The following NRG3 variants were observed in gnomAD, a reference collection of about 807,000 sequenced individuals.
NRG3 encodes the protein neuregulin 3, also known as pro-neuregulin-3, membrane-bound isoform.
Under a neutral mutation model 66.9 loss-of-function variants are expected in NRG3, and 31 were observed. The observed-to-expected ratio is 0.46, with a 90% CI of 0.35 to 0.63. NRG3 has a LOEUF of 0.63. NRG3 is among the 20% of genes least tolerant of loss of function. The pLI is 0.00. For synonymous variants in NRG3, 393 were observed against 359.4 expected (o/e 1.09, Z -1.06); for missense variants, 910 against 878.9 (o/e 1.04, Z -0.45).
chr10:82,137,723 C>T (rs74144163), intron 1 of NRG3, among the ~76,000 whole-genome samples: 3,271 of 152,288 alleles, frequency 0.021, 114 homozygotes, highest in African/African-American at 0.074. Context: ...AAGATTGGAG[C>T]AGCAAGAATT....
At chr10:82,856,439 A>C (rs1452473251) in intron 3 of NRG3, among the ~76,000 whole-genome samples, 1 of 152,064 alleles carries the variant, frequency 6.6e-6, no homozygotes, top group Non-Finnish European at 1.5e-5. Context: ...GCCTAATTTT[A>C]AAAATTAGAT....
chr10:82,115,177 C>T (rs762107070), intron 1 of NRG3, among the ~76,000 whole-genome samples: 57 of 152,086 alleles, frequency 3.7e-4, no homozygotes, highest in Non-Finnish European at 1.2e-4. Flanking sequence ...CTAGTCCTTG[C>T]TGACCTTCTG....
chr10:82,865,463 A>G (rs1840620578), intron 4 of NRG3, 26 bp downstream of exon 4: 16 of 1,608,582 alleles, frequency 9.9e-6, no homozygotes, highest in Non-Finnish European at 1.4e-5. Flanking sequence ...TTGCTCATTT[A>G]ATATCCTGGA....
Position 82,725,840 on chromosome 10 carries a change from G to C in NRG3, c.954-12737G>C, listed in dbSNP as rs117334663. On this transcript the variant is annotated intron_variant, in intron 2 of 8. Transcript: ENST00000372141. ...AGAATTCACGTTCTAGTCTTTGCTAGTCTGTAGATATTACGTTCCCCTACT... is the reference window on the plus strand; with the variant it reads ...AGAATTCACGTTCTAGTCTTTGCTACTCTGTAGATATTACGTTCCCCTACT... Among the ~76,000 whole-genome samples the C allele has an allele frequency of 1.1e-3, 167 of 152,244 alleles. 1 individual carries two copies. In the East Asian group the frequency reaches 0.03, roughly 27 times the overall value.
At chr10:82,684,017 T>C (rs74988874) in intron 2 of NRG3, among the ~76,000 whole-genome samples, 3,913 of 80,830 alleles carry the variant, frequency 0.048, 196 homozygotes, top group African/African-American at 0.11. Context: ...GTGCTGTGTG[T>C]ATATATTCAG....
chr10:82,895,339 A>G (rs1843548194), intron 4 of NRG3, among the ~76,000 whole-genome samples: 1 of 152,164 alleles, frequency 6.6e-6, no homozygotes, highest in Non-Finnish European at 1.5e-5. Flanking sequence ...AATGGGTTGA[A>G]GAGTTGAGCT....
chr10:82,119,126 T>C (rs2067916757), intron 1 of NRG3, among the ~76,000 whole-genome samples: 1 of 152,226 alleles, frequency 6.6e-6, no homozygotes, highest in Non-Finnish European at 1.5e-5. Flanking sequence ...AATATATCAA[T>C]ACATCAAACA....
intron 1 of NRG3, among the ~76,000 whole-genome samples, chr10:81,942,971 T>C (rs1848527698): frequency 6.6e-6 from 1 of 152,198 alleles, no homozygotes. Flanking sequence ...AATAAGAACA[T>C]TTTCTACCGG....
At chr10:82,866,787 G>A (rs1840785611) in intron 4 of NRG3, among the ~76,000 whole-genome samples, 1 of 152,184 alleles carries the variant, frequency 6.6e-6, no homozygotes, top group Admixed American at 6.5e-5. Context: ...GGTTGATTTT[G>A]ATTTTGAAGA....
At chr10:82,117,623 C>T (rs890971415) in intron 1 of NRG3, among the ~76,000 whole-genome samples, 3 of 152,032 alleles carry the variant, frequency 2.0e-5, no homozygotes, top group African/African-American at 7.2e-5. Flanking sequence ...GCTTCCTGCC[C>T]ATCAGAGACC....
At chr10:82,523,622 C>T (rs1175990555) in intron 2 of NRG3, among the ~76,000 whole-genome samples, 1 of 151,902 alleles carries the variant, frequency 6.6e-6, no homozygotes, top group South Asian at 2.1e-4. Context: ...ATACTATGTA[C>T]AAGTTACCTC....
intron 2 of NRG3, among the ~76,000 whole-genome samples, chr10:82,608,651 T>A (rs2048115847): frequency 6.6e-6 from 1 of 152,112 alleles, no homozygotes; most frequent in South Asian, 2.1e-4. Context: ...ACTTCTACAA[T>A]TTGTTCTCAA....
In NRG3 at chr10:82,318,661, G is replaced by C. The variant is rs1589704242; in HGVS notation, c.824-40078G>C. Among the ~76,000 whole-genome samples the C allele has an allele frequency of 2.6e-5, 4 of 152,256 alleles. No individual in the cohort carries two copies. In the South Asian group the frequency reaches 8.3e-4, roughly 32 times the overall value. ...TGCTCTCTGGACACAGAGTCTTTCAGACAGATCCACTGCTCTTTGAAGACT... is the reference window on the plus strand; with the variant it reads ...TGCTCTCTGGACACAGAGTCTTTCACACAGATCCACTGCTCTTTGAAGACT... On this transcript the variant is annotated intron_variant, in intron 1 of 8. Coordinates refer to ENST00000372141, the MANE Select transcript of NRG3 (RefSeq NM_001010848.4).
chr10:82,091,380 TTGCC>T (rs2066018617), intron 1 of NRG3, among the ~76,000 whole-genome samples: 1 of 152,172 alleles, frequency 6.6e-6, no homozygotes, highest in African/African-American at 2.4e-5. Flanking sequence ...CTCTATGAAT[TTGCC>T]TGTTTTAGGT....
intron 1 of NRG3, among the ~76,000 whole-genome samples, chr10:81,985,167 G>A (rs996184348): frequency 6.6e-6 from 1 of 152,202 alleles, no homozygotes; most frequent in Non-Finnish European, 1.5e-5. Flanking sequence ...TTCGAGACAA[G>A]TGTTGTTAAT....
At chr10:82,738,724 A>T in intron 3 of NRG3, 74 bp downstream of exon 3, 1 of 1,260,372 alleles carries the variant, frequency 7.9e-7, no homozygotes, top group Non-Finnish European at 1.2e-6. Flanking sequence ...TTGTTAACTC[A>T]GCTGAAAGCT....
At chr10:82,346,962 C>T (rs1589797974) in intron 1 of NRG3, among the ~76,000 whole-genome samples, 1 of 151,626 alleles carries the variant, frequency 6.6e-6, no homozygotes, top group African/African-American at 2.4e-5. Flanking sequence ...CTCTTTTTTT[C>T]TTTATTAGTC....
intron 2 of NRG3, among the ~76,000 whole-genome samples, chr10:82,458,520 C>T (rs2091372515): frequency 6.6e-6 from 1 of 152,058 alleles, no homozygotes; most frequent in African/African-American, 2.4e-5. Context: ...AAGGGGCCGG[C>T]TTCTGGAAGA....
At chr10:82,455,122 G>C (rs1214051386) in intron 2 of NRG3, among the ~76,000 whole-genome samples, 1 of 152,098 alleles carries the variant, frequency 6.6e-6, no homozygotes. Flanking sequence ...AACAGCTCTA[G>C]AGCCCAGGGC....
Sources: allele counts gnomAD v4.1 joint callset (sites outside exome capture counted in the v4.1 genomes callset), GRCh38; gene constraint gnomAD v4.1.1; transcripts MANE v1.5; gene names NCBI Gene and HGNC (gene_info 2026-07-23, HGNC 2026-07-21).